The following PITRM1 variants were observed in gnomAD, a reference collection of about 807,000 sequenced individuals.
The protein encoded by PITRM1 is pitrilysin metallopeptidase 1, also known as presequence protease, mitochondrial.
In PITRM1, 100 loss-of-function variants were observed where a neutral mutation model predicts 129.9. The ratio of observed to expected loss-of-function variants is 0.77; its 90% CI spans 0.65 to 0.91. The LOEUF is 0.91. PITRM1 is among the 40% of genes least tolerant of loss of function. The pLI is 0.00. For synonymous variants in PITRM1, 591 were observed against 508.8 expected (o/e 1.16, Z -2.17); for missense variants, 1,471 against 1,318.3 (o/e 1.12, Z -1.79).
chr10:3,170,113 G>A lies in PITRM1; in HGVS notation c.150C>T (p.Thr50=), dbSNP rs375129421. Residue 50 remains threonine (T), a synonymous_variant, in exon 2 of 27, where the codon ACC becomes ACT. Coordinates refer to ENST00000224949, the MANE Select transcript of PITRM1 (RefSeq NM_014889.4). ...YKLGDKIHGF[T]VNQVTSVPEL... is the part of the protein sequence containing the mutation. Reference sequence around the variant, plus strand: ...CGAGGACGACCCATACCTGGTTTACGGTGAATCCATGGATCTTGTCTCCTA... The same window carrying A: ...CGAGGACGACCCATACCTGGTTTACAGTGAATCCATGGATCTTGTCTCCTA... The A allele has an allele frequency of 1.8e-5, 29 of 1,612,178 alleles. No homozygotes were observed. The highest frequency in any genetic ancestry group is 6.7e-5 in the East Asian group (3 of 44,900).
chr10:3,158,093 T>A lies in PITRM1; in HGVS notation c.1197A>T (p.Lys399Asn), dbSNP rs777634869. Residue 399 changes from lysine to asparagine, a missense_variant, in exon 11 of 27, where the codon AAA (lysine) becomes AAT (asparagine). By Grantham distance (94) the Lys-to-Asn change is moderately conservative (BLOSUM62 0). Transcript: ENST00000224949. ...FSVGLQGIAEKDIETVRSLID... is the reference protein window; with the variant it reads ...FSVGLQGIAENDIETVRSLID... ...TGAGGCTTCTGACGGTCTCAATGTC[T>A]TTCTCCGCAATCCCTTGGAGGCCGA... 6.2e-7 allele frequency: 1 copy of A among 1,612,158 alleles called. No homozygotes were observed. Among genetic ancestry groups the A allele is most frequent in the Non-Finnish European group, 8.5e-7 (1 of 1,178,436 alleles).
intron 13 of PITRM1, among the ~76,000 whole-genome samples, chr10:3,156,298 C>A (rs952876875): frequency 6.6e-6 from 1 of 152,138 alleles, no homozygotes; most frequent in African/African-American, 2.4e-5. Flanking sequence ...AAAATGCTCC[C>A]ATATAAAATA....
intron 2 of PITRM1, among the ~76,000 whole-genome samples, chr10:3,167,309 G>A (rs1429184255): frequency 6.6e-6 from 1 of 152,228 alleles, no homozygotes; most frequent in Non-Finnish European, 1.5e-5. Flanking sequence ...GCGAGCGCGA[G>A]AGCGCACGCG....
Position 3,138,221 on chromosome 10 carries a change from C to T in PITRM1, c.3020+14G>A, listed in dbSNP as rs186675355. On this transcript the variant is annotated intron_variant, in intron 26 of 26. Transcript: ENST00000224949. Reference sequence around the variant, plus strand: ...TTCCAGTCCCAGACGCTGTCTCCCCCGCTCCCCACTCACCTATCGCTCACG... The same window carrying T: ...TTCCAGTCCCAGACGCTGTCTCCCCTGCTCCCCACTCACCTATCGCTCACG... 7.6e-4 allele frequency: 1,215 copies of T among 1,605,148 alleles called. 3 individuals carry two copies. In the African/African-American group the frequency reaches 0.012, roughly 16 times the overall value.
intron 1 of PITRM1, among the ~76,000 whole-genome samples, chr10:3,170,944 C>CA (rs1421404204): frequency 3.8e-4 from 57 of 151,620 alleles, no homozygotes; most frequent in African/African-American, 1.3e-3. Flanking sequence ...GCCTGGGTGA[C>CA]AGAGCAAGAC....
chr10:3,165,757 C>A (rs1359473493), intron 4 of PITRM1, among the ~76,000 whole-genome samples: 2 of 152,170 alleles, frequency 1.3e-5, no homozygotes, highest in Non-Finnish European at 2.9e-5. Context: ...GGCACCAGGG[C>A]TTTCTTCAGC....
rs777457741 is a variant in PITRM1 at position 3,159,065 on chromosome 10, G to A, written c.1008-23C>T. 21 of 1,591,258 alleles carry A rather than the reference G, an allele frequency of 1.3e-5. No individual in the cohort carries two copies. In the East Asian group the frequency reaches 2.3e-4, roughly 17 times the overall value. Reference sequence around the variant, plus strand: ...ATGCTGCATTGAAAAAAAAAGGAACGGGGAGGTAAGAAAAGAGTAAAGGGA... The same window carrying A: ...ATGCTGCATTGAAAAAAAAAGGAACAGGGAGGTAAGAAAAGAGTAAAGGGA... On this transcript the variant is annotated intron_variant, in intron 9 of 26. Transcript: ENST00000224949.
chr10:3,172,265 A>C (rs1843443232), intron 1 of PITRM1: 1 of 463,046 alleles, frequency 2.2e-6, no homozygotes, highest in African/African-American at 2.0e-5. Context: ...GTCATTAAAA[A>C]AACAAAACAG....
Position 3,138,942 on chromosome 10 carries a change from A to G in PITRM1, c.2879T>C (p.Phe960Ser). The G allele has an allele frequency of 1.2e-6, 2 of 1,613,978 alleles. No homozygotes were observed. Among genetic ancestry groups the G allele is most frequent in the East Asian group, 2.2e-5 (1 of 44,878 alleles). The change falls in exon 25 of 27, where the codon TTC becomes TCC. Residue 960 changes from phenylalanine (F) to serine (S), a missense_variant. Physicochemically the swap from Phe to Ser is radical, Grantham distance 155 (BLOSUM62 -2). Transcript: ENST00000224949. ...AGCGACAGGAGCATCTACGGTTGAG[A>G]AGACAGAAAGTTTGGCTTCGTCGAT... ...QDIDEAKLSV[F>S]STVDAPVAPS... is the part of the protein sequence containing the mutation.
chr10:3,172,409 A>C (rs1260185215), intron 1 of PITRM1, among the ~76,000 whole-genome samples: 1 of 152,202 alleles, frequency 6.6e-6, no homozygotes, highest in Non-Finnish European at 1.5e-5. Context: ...GAGAACCGCA[A>C]ATGCCGACCC....
intron 1 of PITRM1, chr10:3,172,310 G>T (rs1843447065): frequency 2.0e-6 from 1 of 496,638 alleles, no homozygotes; most frequent in Non-Finnish European, 3.9e-6. Flanking sequence ...TCTGAACACA[G>T]CGAGACTTTA....
At chr10:3,145,252 T>G in intron 21 of PITRM1, 1 of 250,638 alleles carries the variant, frequency 4.0e-6, no homozygotes, top group Non-Finnish European at 7.7e-6. Flanking sequence ...CATGGATTCA[T>G]GAGTCAAAGA....
At position 3,141,710 on chromosome 10, in the gene PITRM1, G is replaced by A. The variant is rs755098288; in HGVS notation, c.2646-898C>T. ...ACGCCCGTGGTGAGATCAGCCCCAG[G>A]TCGCCGCTTCCACAGACAGGCCTTT... On this transcript the variant is annotated intron_variant, in intron 23 of 26. Transcript: ENST00000224949. The A allele has an allele frequency of 1.3e-5, 6 of 467,914 alleles. No individual in the cohort carries two copies. The East Asian group carries it at 3.5e-4, about 27-fold the overall frequency. 29.0% of individuals were successfully genotyped at this position (467,914 alleles called of 1,614,324 possible). A position where few individuals can be genotyped will look rare whatever the true frequency, so the allele number is the denominator to read the frequency against.
At chr10:3,143,943 C>T (rs1207337864) in intron 22 of PITRM1, 1 of 517,368 alleles carries the variant, frequency 1.9e-6, no homozygotes, top group African/African-American at 1.9e-5. Flanking sequence ...TGTCAGACCG[C>T]TCCACTGGCA....
At chr10:3,157,175 G>C (rs1564416673) in intron 12 of PITRM1, 111 bp from the exon 13 acceptor site, 7 of 1,007,700 alleles carry the variant, frequency 6.9e-6, no homozygotes, top group Non-Finnish European at 9.9e-6. Flanking sequence ...ATATACCACA[G>C]ATGATTGTTT....
At chr10:3,147,374 T>C (rs932119085) in intron 19 of PITRM1, 124 bp from the exon 20 acceptor site, 13 of 945,864 alleles carry the variant, frequency 1.4e-5, no homozygotes, top group Admixed American at 1.0e-4. Context: ...GTGCACGGCT[T>C]GGGCAGGGCT....
At chr10:3,138,728 T>C (rs1839864645) in intron 25 of PITRM1, 176 bp downstream of exon 25, 1 of 767,240 alleles carries the variant, frequency 1.3e-6, no homozygotes, top group Non-Finnish European at 2.4e-6. Context: ...GGATGCACTC[T>C]TCTCGCCCGG....
At position 3,165,324 on chromosome 10, in the gene PITRM1, A is replaced by G; in HGVS notation, c.544T>C (p.Trp182Arg). The change falls in exon 6 of 27, where the codon TGG becomes CGG. Residue 182 changes from tryptophan (W) to arginine (R), a missense_variant. Trp to Arg is a moderately radical substitution (Grantham distance 101). Coordinates refer to ENST00000224949, the MANE Select transcript of PITRM1 (RefSeq NM_014889.4). ...CTCGGATTCTCATGTTCCAGCCGCCATCCTTCCTGCCTGAGGACAAATCAT... is the reference window on the plus strand; with the variant it reads ...CTCGGATTCTCATGTTCCAGCCGCCGTCCTTCCTGCCTGAGGACAAATCAT... ...LRELDFWQEG[W>R]RLEHENPSDP... The G allele has an allele frequency of 6.3e-7, 1 of 1,592,632 alleles. No individual in the cohort carries two copies. Among genetic ancestry groups the G allele is most frequent in the Non-Finnish European group, 8.5e-7 (1 of 1,169,596 alleles).
chr10:3,149,425 A>G, intron 16 of PITRM1, 196 bp downstream of exon 16: 1 of 478,554 alleles, frequency 2.1e-6, no homozygotes, highest in Non-Finnish European at 3.6e-6. Flanking sequence ...GTAGATTCAT[A>G]ACTATTTCAA....
Sources: gnomAD v4.1 joint callset for allele counts (sites outside exome capture counted in the v4.1 genomes callset) on GRCh38, gnomAD v4.1.1 for gene constraint, MANE v1.5 for transcripts, NCBI Gene and HGNC (gene_info 2026-07-23, HGNC 2026-07-21) for gene names.